Variants in ZDHHC3 observed in about 807,000 individuals in gnomAD.
The protein encoded by ZDHHC3 is zDHHC palmitoyltransferase 3.
ZDHHC3 carries 9 observed loss-of-function variants against 30.6 expected under a neutral mutation model. The ratio of observed to expected loss-of-function variants is 0.29; its 90% CI spans 0.18 to 0.51. The LOEUF (loss-of-function observed/expected upper bound fraction) is 0.51, where lower values mean the gene tolerates loss of function less well. Ranked by LOEUF, ZDHHC3 falls within the 20% of genes least tolerant of loss-of-function variation. The pLI is 0.97. For synonymous variants in ZDHHC3, 136 were observed against 140.2 expected (o/e 0.97, Z 0.21); for missense variants, 246 against 384.2 (o/e 0.64, Z 3.01).
intron 2 of ZDHHC3, among the ~76,000 whole-genome samples, chr3:44,953,083 T>G (rs1471628768): frequency 6.6e-6 from 1 of 152,222 alleles, no homozygotes; most frequent in Non-Finnish European, 1.5e-5. Context: ...AAACTGTATG[T>G]GTTAGTTACT....
chr3:44,954,292 T>A (rs369271022), intron 2 of ZDHHC3, among the ~76,000 whole-genome samples: 7 of 152,338 alleles, frequency 4.6e-5, no homozygotes, highest in African/African-American at 1.7e-4. Context: ...ATGCACATCA[T>A]GATGTTTCAG....
In ZDHHC3 at chr3:44,936,964, A is replaced by G. The variant is rs181671313; in HGVS notation, c.432-2980T>C. ...ATGTTGGCCCAAATAAACTCTCTCA[A>G]TTTTGCCTGCTTCTTTATTTAGGTC... On this transcript the variant is annotated intron_variant, in intron 3 of 6. Coordinates refer to ENST00000424952, the MANE Select transcript of ZDHHC3 (RefSeq NM_001135179.2). 9.8e-4 allele frequency among the ~76,000 whole-genome samples: 148 copies of G among 151,648 alleles called. 2 individuals carry two copies. The highest frequency in any genetic ancestry group is 1.6e-3 in the Non-Finnish European group (112 of 67,926).
Position 44,918,030 on chromosome 3 carries a change from G to A in ZDHHC3, c.*8659C>T, listed in dbSNP as rs760395689. The A allele has an allele frequency of 5.4e-6, 7 of 1,305,468 alleles. No individual in the cohort carries two copies. Among genetic ancestry groups the A allele is most frequent in the Middle Eastern group, 2.1e-4 (1 of 4,698 alleles). 80.9% of individuals were successfully genotyped at this position (1,305,468 alleles called of 1,614,324 possible). On this transcript the variant is annotated 3_prime_UTR_variant, in exon 7 of 7. Transcript: ENST00000424952. The stretch of plus-strand genomic sequence containing the variant: ...TGGGGATCTCTGGCTGACACGGTCT[G>A]GAGAAGGGGTTGAACCAGTTCAGGG...
intron 1 of ZDHHC3, among the ~76,000 whole-genome samples, chr3:44,972,558 G>T (rs1705488333): frequency 6.6e-6 from 1 of 152,190 alleles, no homozygotes; most frequent in Non-Finnish European, 1.5e-5. Context: ...CCAAGGATGG[G>T]TGGGACAGAG....
chr3:44,951,840 T>C (rs1481567665), intron 2 of ZDHHC3, among the ~76,000 whole-genome samples: 2 of 152,192 alleles, frequency 1.3e-5, no homozygotes, highest in East Asian at 3.9e-4. Context: ...CTTGTCTTCC[T>C]TGGGGTCTCC....
chr3:44,947,909 C>T (rs376111163), intron 2 of ZDHHC3, among the ~76,000 whole-genome samples: 2 of 152,320 alleles, frequency 1.3e-5, no homozygotes, highest in East Asian at 3.9e-4. Context: ...AACAGGGAGC[C>T]AAGGATGTGC....
intron 1 of ZDHHC3, among the ~76,000 whole-genome samples, chr3:44,965,450 C>T (rs889037108): frequency 4.6e-5 from 7 of 152,128 alleles, no homozygotes; most frequent in Non-Finnish European, 1.0e-4. Context: ...GTTTGAACAT[C>T]GTGGTGCTAA....
In ZDHHC3 at chr3:44,916,262, C is replaced by T. The variant is rs2125767188; in HGVS notation, c.*10427G>A. On this transcript the variant is annotated 3_prime_UTR_variant, in exon 7 of 7. Transcript: ENST00000424952. ...AACACTGGGCCCTTTGAGCAATTAA[C>T]CCCAGGCCCTAGTGGGTCATCAGTT... The T allele has an allele frequency of 6.6e-6, 1 of 152,344 alleles. No individual in the cohort carries two copies. 9.4% of individuals were successfully genotyped at this position (152,344 alleles called of 1,614,324 possible).
Position 44,918,447 on chromosome 3 carries a change from AATGCCAGATG to A in ZDHHC3, c.*8232_*8241del. On this transcript the variant is annotated 3_prime_UTR_variant, in exon 7 of 7. Coordinates refer to ENST00000424952, the MANE Select transcript of ZDHHC3 (RefSeq NM_001135179.2). ...TCCCCTTCTTTCCTTCCACAAGTGC[AATGCCAGATG>A]ATGGGCAGGGGCTAGGCTGATGAGT... is the stretch of plus-strand genomic sequence containing the variant. 1 of 985,398 alleles carries A rather than the reference AATGCCAGATG, an allele frequency of 1.0e-6. No individual in the cohort carries two copies. Among genetic ancestry groups the A allele is most frequent in the Non-Finnish European group, 1.2e-6 (1 of 829,908 alleles). 61.0% of individuals were successfully genotyped at this position (985,398 alleles called of 1,614,324 possible).
intron 3 of ZDHHC3, among the ~76,000 whole-genome samples, chr3:44,936,970 C>T (rs992440443): frequency 1.2e-4 from 18 of 151,854 alleles, no homozygotes; most frequent in Non-Finnish European, 2.2e-4. Flanking sequence ...CTCAATTTTG[C>T]CTGCTTCTTT....
chr3:44,920,046 G>A lies in ZDHHC3; in HGVS notation c.*6643C>T. On this transcript the variant is annotated 3_prime_UTR_variant, in exon 7 of 7. Coordinates refer to ENST00000424952, the MANE Select transcript of ZDHHC3 (RefSeq NM_001135179.2). ...ACATTTGTCTGAGTGGTTACTTTTG[G>A]GGATGGAATTCTAGAGGATTTGTAT... is the stretch of plus-strand genomic sequence containing the variant. The A allele has an allele frequency of 1.7e-6, 2 of 1,176,206 alleles. No individual in the cohort carries two copies. The highest frequency in any genetic ancestry group is 3.2e-5 in the South Asian group (2 of 61,678). The allele number at this position is 1,176,206 out of a possible 1,614,324, so 72.9% of individuals were successfully genotyped here. A position where few individuals can be genotyped will look rare whatever the true frequency, so the allele number is the denominator to read the frequency against.
At chr3:44,929,223 TG>T in intron 6 of ZDHHC3, 82 bp downstream of exon 6, 1 of 1,543,062 alleles carries the variant, frequency 6.5e-7, no homozygotes, top group Non-Finnish European at 8.8e-7. Context: ...CCAGTCTGAC[TG>T]TGAGCAGCTC....
chr3:44,922,903 C>T lies in ZDHHC3; in HGVS notation c.*3786G>A, dbSNP rs1395143001. On this transcript the variant is annotated 3_prime_UTR_variant, in exon 7 of 7. Transcript: ENST00000424952. ...CACATTTCTTTGATATCTAAGGGCA[C>T]CTTCTAGGTGGGGCGCCTTCCCCTC... 2.0e-6 allele frequency: 2 copies of T among 985,110 alleles called. No individual in the cohort carries two copies. Among genetic ancestry groups the T allele is most frequent in the African/African-American group, 3.5e-5 (2 of 57,170 alleles). The allele number at this position is 985,110 out of a possible 1,614,324, so 61.0% of individuals were successfully genotyped here.
Position 44,923,677 on chromosome 3 carries a change from C to T in ZDHHC3, c.*3012G>A, listed in dbSNP as rs9831073. ...AATTAGCCAGGCATGGTAGTACGTG[C>T]CTGTAGCCCTGGATATTCAGGAGGC... On this transcript the variant is annotated 3_prime_UTR_variant, in exon 7 of 7. Transcript: ENST00000424952. 0.01 allele frequency: 7,852 copies of T among 761,660 alleles called. 505 individuals are homozygous for T. The African/African-American group carries it at 0.14, about 13-fold the overall frequency. 47.2% of individuals were successfully genotyped at this position (761,660 alleles called of 1,614,324 possible).
intron 3 of ZDHHC3, among the ~76,000 whole-genome samples, chr3:44,943,669 G>A (rs1426767954): frequency 6.6e-6 from 1 of 152,120 alleles, no homozygotes; most frequent in Non-Finnish European, 1.5e-5. Context: ...CTCTGAAAAG[G>A]GGACCAAGTG....
In ZDHHC3 at chr3:44,935,183, G is replaced by A. The variant is rs537697124; in HGVS notation, c.432-1199C>T. Among the ~76,000 whole-genome samples the A allele has an allele frequency of 2.8e-4, 42 of 152,284 alleles. 1 individual carries two copies. The South Asian group carries it at 8.5e-3, about 31-fold the overall frequency. On this transcript the variant is annotated intron_variant, in intron 3 of 6. Transcript: ENST00000424952. ...AAACTTTTTAATCTGAGGAATGTGA[G>A]CCCATTTAATTATTAGGCCTAGAGA...
At position 44,923,071 on chromosome 3, in the gene ZDHHC3, TA is replaced by T; in HGVS notation, c.*3617del. The T allele has an allele frequency of 1.0e-6, 1 of 973,420 alleles. No individual in the cohort carries two copies. The highest frequency in any genetic ancestry group is 1.2e-6 in the Non-Finnish European group (1 of 828,136). The allele number at this position is 973,420 out of a possible 1,614,324, so 60.3% of individuals were successfully genotyped here. Reference sequence around the variant, plus strand: ...GTAATGCCAACCTCACATACATGTTTAAAATGTTTGTTTTTTTTTTTTGAGA... The same window carrying T: ...GTAATGCCAACCTCACATACATGTTTAAATGTTTGTTTTTTTTTTTTGAGA... On this transcript the variant is annotated 3_prime_UTR_variant, in exon 7 of 7. Coordinates refer to ENST00000424952, the MANE Select transcript of ZDHHC3 (RefSeq NM_001135179.2).
chr3:44,933,763 G>T, intron 4 of ZDHHC3, 125 bp downstream of exon 4: 1 of 863,144 alleles, frequency 1.2e-6, no homozygotes, highest in Non-Finnish European at 1.9e-6. Flanking sequence ...TTGGCAGGAA[G>T]GCAGAGATCT....
intron 2 of ZDHHC3, among the ~76,000 whole-genome samples, chr3:44,953,320 T>C (rs1458536334): frequency 6.6e-6 from 1 of 152,230 alleles, no homozygotes; most frequent in African/African-American, 2.4e-5. Flanking sequence ...TTTATTTTAA[T>C]TGCCTGATGT....
Sources: gnomAD v4.1 joint callset for allele counts (sites outside exome capture counted in the v4.1 genomes callset) on GRCh38, gnomAD v4.1.1 for gene constraint, MANE v1.5 for transcripts, NCBI Gene and HGNC (gene_info 2026-07-23, HGNC 2026-07-21) for gene names.